The following PRIMA1 variants were observed in gnomAD, a reference collection of about 807,000 sequenced individuals.
The protein encoded by PRIMA1 is proline-rich membrane anchor 1.
A neutral mutation model predicts 17.5 loss-of-function variants in PRIMA1; 7 were observed. That is an observed-to-expected ratio of 0.40 (90% CI 0.23 to 0.75). PRIMA1 has a LOEUF of 0.75. PRIMA1 is among the 30% of genes least tolerant of loss of function. The pLI, the probability that PRIMA1 is intolerant of heterozygous loss-of-function variation, is 0.37. For synonymous variants in PRIMA1, 97 were observed against 77.9 expected (o/e 1.25, Z -1.29); for missense variants, 200 against 201.8 (o/e 0.99, Z 0.05).
intron 3 of PRIMA1, among the ~76,000 whole-genome samples, chr14:93,747,742 G>A (rs1404176166): frequency 6.6e-6 from 1 of 151,520 alleles, no homozygotes; most frequent in East Asian, 1.9e-4. Flanking sequence ...GTGCGAGTGG[G>A]AAGTGTGTGG....
intron 2 of PRIMA1, among the ~76,000 whole-genome samples, chr14:93,785,895 C>A (rs1885511015): frequency 6.7e-6 from 1 of 148,224 alleles, no homozygotes; most frequent in Admixed American, 6.7e-5. Flanking sequence ...CACACAGACA[C>A]CCCTGCATAC....
chr14:93,743,548 T>A lies in PRIMA1; in HGVS notation c.230-6178A>T, dbSNP rs375963029. Reference sequence around the variant, plus strand: ...TAGTGCCACTTGTCTAGGACCCCCCTGTGCCGTAGAGATCAACCTCCATCT... The same window carrying A: ...TAGTGCCACTTGTCTAGGACCCCCCAGTGCCGTAGAGATCAACCTCCATCT... On this transcript the variant is annotated intron_variant, in intron 3 of 4. Coordinates refer to ENST00000393140, the MANE Select transcript of PRIMA1 (RefSeq NM_178013.4). Among the ~76,000 whole-genome samples, 25 of 151,584 alleles carry A rather than the reference T, an allele frequency of 1.6e-4. No homozygotes were observed. In the East Asian group the frequency reaches 4.0e-3, roughly 25 times the overall value.
At chr14:93,735,692 CTTTT>C (rs11288194) in intron 4 of PRIMA1, among the ~76,000 whole-genome samples, 51 of 124,604 alleles carry the variant, frequency 4.1e-4, no homozygotes, top group African/African-American at 1.4e-3. Context: ...TTCTTTCTTC[CTTTT>C]TTTTTTTTTT....
chr14:93,752,711 C>A (rs1407727635), intron 3 of PRIMA1, among the ~76,000 whole-genome samples: 1 of 151,922 alleles, frequency 6.6e-6, no homozygotes, highest in Non-Finnish European at 1.5e-5. Flanking sequence ...CCAGCTCCTG[C>A]CTGGAAATTG....
intron 4 of PRIMA1, among the ~76,000 whole-genome samples, chr14:93,730,030 G>A (rs1320025811): frequency 2.0e-5 from 3 of 152,004 alleles, no homozygotes; most frequent in Non-Finnish European, 4.4e-5. Flanking sequence ...CACCCAGATA[G>A]AGAAAAAAAA....
At chr14:93,753,153 G>T (rs549858673) in intron 3 of PRIMA1, among the ~76,000 whole-genome samples, 9 of 152,234 alleles carry the variant, frequency 5.9e-5, no homozygotes, top group African/African-American at 2.2e-4. Context: ...GCCTGACTTG[G>T]CCTCCCAAGT....
chr14:93,740,426 G>A (rs2076177899), intron 3 of PRIMA1, among the ~76,000 whole-genome samples: 2 of 152,186 alleles, frequency 1.3e-5, no homozygotes, highest in African/African-American at 2.4e-5. Context: ...GTCACTGCTG[G>A]AGAGTCAGAA....
chr14:93,766,806 G>A (rs1225214092), intron 3 of PRIMA1, among the ~76,000 whole-genome samples: 1 of 152,142 alleles, frequency 6.6e-6, no homozygotes, highest in East Asian at 1.9e-4. Flanking sequence ...CAATGACTGG[G>A]TTTCATGCCC....
At chr14:93,735,313 A>G (rs2141159469) in intron 4 of PRIMA1, among the ~76,000 whole-genome samples, 1 of 152,300 alleles carries the variant, frequency 6.6e-6, no homozygotes, top group South Asian at 2.1e-4. Context: ...AGGCCTCCCC[A>G]GTCAGGCTCA....
chr14:93,742,658 G>A (rs1328181597), intron 3 of PRIMA1, among the ~76,000 whole-genome samples: 1 of 152,158 alleles, frequency 6.6e-6, no homozygotes, highest in Non-Finnish European at 1.5e-5. Context: ...AGGAATGTGT[G>A]AGGTCAGACA....
At chr14:93,765,382 G>A (rs775798177) in intron 3 of PRIMA1, among the ~76,000 whole-genome samples, 4 of 150,604 alleles carry the variant, frequency 2.7e-5, no homozygotes, top group Admixed American at 6.7e-5. Context: ...CTCAGGGATC[G>A]GATCAGACAC....
intron 3 of PRIMA1, among the ~76,000 whole-genome samples, chr14:93,747,335 C>T (rs2141168823): frequency 6.6e-6 from 1 of 152,228 alleles, no homozygotes; most frequent in South Asian, 2.1e-4. Context: ...TGCCACGTGG[C>T]AGTTGCTGCT....
At chr14:93,723,532 C>T (rs2076056299) in intron 4 of PRIMA1, among the ~76,000 whole-genome samples, 2 of 152,194 alleles carry the variant, frequency 1.3e-5, no homozygotes, top group African/African-American at 2.4e-5. Flanking sequence ...AAACTGTTCC[C>T]TTTTCTCCTG....
intron 3 of PRIMA1, among the ~76,000 whole-genome samples, chr14:93,762,508 C>G (rs1421417358): frequency 6.6e-6 from 1 of 151,986 alleles, no homozygotes; most frequent in African/African-American, 2.4e-5. Context: ...CCCATCAGAA[C>G]CAGGCTGACT....
At chr14:93,728,897 C>T (rs896201221) in intron 4 of PRIMA1, among the ~76,000 whole-genome samples, 4 of 152,140 alleles carry the variant, frequency 2.6e-5, no homozygotes, top group Non-Finnish European at 5.9e-5. Flanking sequence ...ATCTTATCAC[C>T]CATCATGGAA....
At position 93,748,755 on chromosome 14, in the gene PRIMA1, T is replaced by A. The variant is rs150758451; in HGVS notation, c.230-11385A>T. Among the ~76,000 whole-genome samples the A allele has an allele frequency of 2.0e-5, 3 of 152,254 alleles. No homozygotes were observed. The East Asian group carries it at 5.8e-4, about 29-fold the overall frequency. ...GAGCCCAGTGTGGTGGCAGATTGGC[T>A]GCTTATCATCAAGGGCACTGTTCTC... On this transcript the variant is annotated intron_variant, in intron 3 of 4. Transcript: ENST00000393140.
chr14:93,760,904 C>T (rs1487810518), intron 3 of PRIMA1, among the ~76,000 whole-genome samples: 1 of 151,826 alleles, frequency 6.6e-6, no homozygotes, highest in Non-Finnish European at 1.5e-5. Flanking sequence ...TCTATAGCTT[C>T]TTGACTGGTC....
chr14:93,777,637 A>T (rs1033790349), intron 3 of PRIMA1, among the ~76,000 whole-genome samples: 4 of 152,148 alleles, frequency 2.6e-5, no homozygotes, highest in Non-Finnish European at 5.9e-5. Flanking sequence ...TGCCCGACCA[A>T]TCCCATTTAT....
chr14:93,735,354 G>C (rs527338553), intron 4 of PRIMA1, among the ~76,000 whole-genome samples: 1 of 152,242 alleles, frequency 6.6e-6, no homozygotes, highest in East Asian at 1.9e-4. Context: ...CTGCGTCGCA[G>C]GGGCTTCCTG....
Sources: gnomAD v4.1 joint callset for allele counts (sites outside exome capture counted in the v4.1 genomes callset) on GRCh38, gnomAD v4.1.1 for gene constraint, MANE v1.5 for transcripts, NCBI Gene and HGNC (gene_info 2026-07-23, HGNC 2026-07-21) for gene names.